The following MASP1 variants were observed in gnomAD, a reference collection of about 807,000 sequenced individuals.
MASP1 encodes the protein MBL associated serine protease 1.
MASP1 carries 59 observed loss-of-function variants against 77.1 expected under a neutral mutation model. That is an observed-to-expected ratio of 0.77 (90% CI 0.62 to 0.95). MASP1 has a LOEUF of 0.95. Among genes scored for constraint, MASP1 ranks in the 40% least tolerant of loss-of-function variants. The pLI is 0.00. For synonymous variants in MASP1, 362 were observed against 354.5 expected (o/e 1.02, Z -0.24); for missense variants, 885 against 912.9 (o/e 0.97, Z 0.39).
At chr3:187,273,001 G>T (rs1050147614) in intron 2 of MASP1, among the ~76,000 whole-genome samples, 1 of 152,120 alleles carries the variant, frequency 6.6e-6, no homozygotes, top group African/African-American at 2.4e-5. Flanking sequence ...TCAGAAAAGT[G>T]CCCGGGATAC....
chr3:187,221,794 G>A (rs939377129), intron 14 of MASP1, among the ~76,000 whole-genome samples: 18 of 152,232 alleles, frequency 1.2e-4, no homozygotes, highest in African/African-American at 4.3e-4. Context: ...TACATTGCTT[G>A]GAGCTTAGTA....
chr3:187,279,297 A>C (rs1361534580), intron 2 of MASP1, among the ~76,000 whole-genome samples: 3 of 152,228 alleles, frequency 2.0e-5, no homozygotes, highest in Non-Finnish European at 2.9e-5. Context: ...GGAGCTATAG[A>C]GAATGGTGGG....
chr3:187,241,456 G>A (rs1390408412), intron 10 of MASP1, 25 bp downstream of exon 10: 5 of 1,603,606 alleles, frequency 3.1e-6, no homozygotes, highest in South Asian at 1.1e-5. Context: ...AAACTGTGAG[G>A]CAAAGGATTT....
intron 1 of MASP1, among the ~76,000 whole-genome samples, chr3:187,291,039 A>T (rs1315822135): frequency 6.6e-6 from 1 of 151,104 alleles, no homozygotes; most frequent in Non-Finnish European, 1.5e-5. Flanking sequence ...TCATAGCCTG[A>T]TTCATGCCAC....
chr3:187,232,147 G>C (rs1482840327), downstream of MASP1, among the ~76,000 whole-genome samples: 1 of 152,116 alleles, frequency 6.6e-6, no homozygotes, highest in Non-Finnish European at 1.5e-5. Flanking sequence ...AGCATTGGGT[G>C]CTGTTGACTA....
intron 7 of MASP1, chr3:187,251,245 C>T (rs964403631): frequency 9.0e-6 from 2 of 221,824 alleles, no homozygotes; most frequent in Admixed American, 5.1e-5. Flanking sequence ...CAGGCATGAG[C>T]CACCATGCTC....
chr3:187,250,552 G>A (rs1250447433), intron 7 of MASP1, among the ~76,000 whole-genome samples: 1 of 152,174 alleles, frequency 6.6e-6, no homozygotes, highest in Non-Finnish European at 1.5e-5. Context: ...TGTGCAAGAA[G>A]GGGTTTGGGC....
intron 10 of MASP1, among the ~76,000 whole-genome samples, chr3:187,240,824 T>G (rs1713575650): frequency 2.0e-5 from 3 of 152,126 alleles, no homozygotes; most frequent in Non-Finnish European, 4.4e-5. Flanking sequence ...TTAGTATAGA[T>G]GGGGTTCCAC....
exon 16 of MASP1, chr3:187,218,367 G>A (rs995080094): frequency 6.6e-6 from 1 of 152,646 alleles, no homozygotes; most frequent in Admixed American, 6.5e-5. Context: ...AAGATATGGT[G>A]TCTTGGGATG....
intron 15 of MASP1, among the ~76,000 whole-genome samples, chr3:187,220,496 C>CTTTT (rs376566294): frequency 1.0e-4 from 13 of 127,760 alleles, no homozygotes; most frequent in African/African-American, 1.2e-4. Context: ...TTTTTTCTTT[C>CTTTT]TTTTTTTTTT....
Position 187,250,240 on chromosome 3 carries a change from G to C in MASP1, c.1090+11C>G. The C allele has an allele frequency of 2.5e-6, 4 of 1,610,190 alleles. No individual in the cohort carries two copies. Among genetic ancestry groups the C allele is most frequent in the Non-Finnish European group, 3.4e-6 (4 of 1,176,534 alleles). ...TCAGTATCTTTATAACAACCCATTAGGCTTTCTTACTTTTACAGGTGGGAA... is the reference window on the plus strand; with the variant it reads ...TCAGTATCTTTATAACAACCCATTACGCTTTCTTACTTTTACAGGTGGGAA... On this transcript the variant is annotated intron_variant, in intron 8 of 10. Coordinates refer to ENST00000296280, the MANE Select transcript of MASP1 (RefSeq NM_139125.4).
rs34207306 is a variant in MASP1, at chr3:187,243,587, G to A, written c.1125C>T (p.His375=). 2,993 of 1,614,190 alleles carry A rather than the reference G, an allele frequency of 1.9e-3. 7 individuals carry two copies. Among genetic ancestry groups the A allele is most frequent in the Non-Finnish European group, 2.3e-3 (2,766 of 1,180,018 alleles). ...VDCRAPGELE[H]GLITFSTRNN... ...TCCTTGTAGAGAAGGTGATCAGCCC[G>A]TGTTCCAGCTCTCCTGGGGCTCTAC... Residue 375 remains histidine, a synonymous_variant, in exon 9 of 11, where the codon CAC becomes CAT. Coordinates refer to ENST00000296280, the MANE Select transcript of MASP1 (RefSeq NM_139125.4).
intron 1 of MASP1, 154 bp from the exon 2 acceptor site, chr3:187,286,210 A>G (rs1717846264): frequency 7.3e-6 from 5 of 683,970 alleles, no homozygotes; most frequent in Non-Finnish European, 2.6e-6. Flanking sequence ...CTCAGTCTGT[A>G]TTATGGGAAT....
intron 5 of MASP1, 76 bp downstream of exon 5, chr3:187,256,588 G>T (rs749650863): frequency 5.0e-6 from 7 of 1,395,174 alleles, no homozygotes; most frequent in East Asian, 2.3e-5. Context: ...GAAGGTGAAG[G>T]TTCCGCAATA....
intron 4 of MASP1, among the ~76,000 whole-genome samples, chr3:187,259,967 C>G (rs116255446): frequency 4.3e-4 from 65 of 152,280 alleles, no homozygotes; most frequent in African/African-American, 1.3e-3. Context: ...GAAGGCCCTT[C>G]TTCTCTTTAT....
intron 2 of MASP1, among the ~76,000 whole-genome samples, chr3:187,281,622 T>C (rs1210838868): frequency 6.6e-6 from 1 of 152,338 alleles, no homozygotes; most frequent in Admixed American, 6.5e-5. Flanking sequence ...CTTGCAGTTA[T>C]GCAACATTGA....
At chr3:187,268,318 C>CA (rs1266109409) in intron 2 of MASP1, among the ~76,000 whole-genome samples, 3 of 151,806 alleles carry the variant, frequency 2.0e-5, no homozygotes, top group Admixed American at 6.6e-5. Flanking sequence ...CCTGTCTCTA[C>CA]AAAAAATACA....
chr3:187,229,824 G>A, downstream of MASP1: 1 of 1,614,160 alleles, frequency 6.2e-7, no homozygotes, highest in Non-Finnish European at 8.5e-7. Flanking sequence ...TCCAGGGAGT[G>A]GTGCCTTTCT....
chr3:187,275,616 G>A (rs1304446503), intron 2 of MASP1, among the ~76,000 whole-genome samples: 2 of 152,206 alleles, frequency 1.3e-5, no homozygotes, highest in East Asian at 3.9e-4. Flanking sequence ...TTAAAATTAA[G>A]TACATTCTAT....
Sources: gnomAD v4.1 joint callset for allele counts (sites outside exome capture counted in the v4.1 genomes callset) on GRCh38, gnomAD v4.1.1 for gene constraint, MANE v1.5 for transcripts, NCBI Gene and HGNC (gene_info 2026-07-23, HGNC 2026-07-21) for gene names.